JAM3: variants seen among roughly 807,000 people sequenced by gnomAD.
The protein encoded by JAM3 is junctional adhesion molecule C.
JAM3 carries 31 observed loss-of-function variants against 39.4 expected under a neutral mutation model. The ratio of observed to expected loss-of-function variants is 0.79; its 90% confidence interval spans 0.59 to 1.06. The LOEUF is 1.06. JAM3 is among the 50% of genes least tolerant of loss of function. The pLI is 0.00. For missense variants in JAM3, 455 were observed against 391.4 expected (o/e 1.16, Z -1.37); for synonymous variants, 182 against 148.7 (o/e 1.22, Z -1.63).
chr11:134,069,437 C>T (rs1023286215), intron 1 of JAM3, among the ~76,000 whole-genome samples: 6 of 152,046 alleles, frequency 3.9e-5, no homozygotes. Flanking sequence ...GAGTCGGTCC[C>T]GGACAGCCGT....
At chr11:134,082,742 A>G (rs1050651899) in intron 1 of JAM3, among the ~76,000 whole-genome samples, 1 of 152,148 alleles carries the variant, frequency 6.6e-6, no homozygotes, top group Admixed American at 6.5e-5. Flanking sequence ...ACGAAAATGG[A>G]CTAATACAAT....
intron 1 of JAM3, among the ~76,000 whole-genome samples, chr11:134,124,816 G>A (rs1218889251): frequency 2.6e-5 from 4 of 152,240 alleles, no homozygotes; most frequent in Non-Finnish European, 5.9e-5. Flanking sequence ...GCTTGTCAGC[G>A]AAAACGCTGT....
At chr11:134,076,081 T>G (rs529417456) in intron 1 of JAM3, among the ~76,000 whole-genome samples, 85 of 151,994 alleles carry the variant, frequency 5.6e-4, no homozygotes, top group African/African-American at 2.0e-3. Context: ...TAAAATTTTC[T>G]TGGTTCTTTT....
chr11:134,102,477 G>A (rs971723516), intron 1 of JAM3, among the ~76,000 whole-genome samples: 18 of 152,146 alleles, frequency 1.2e-4, no homozygotes, highest in African/African-American at 4.1e-4. Flanking sequence ...CCAAAGGACC[G>A]CAGCTCCTCA....
At chr11:134,071,696 T>G (rs1442365750) in intron 1 of JAM3, among the ~76,000 whole-genome samples, 1 of 152,168 alleles carries the variant, frequency 6.6e-6, no homozygotes, top group African/African-American at 2.4e-5. Context: ...TTCTGGGAAA[T>G]TTTTGAAAAA....
chr11:134,128,201 A>G (rs1051810149), intron 1 of JAM3, among the ~76,000 whole-genome samples: 1 of 152,140 alleles, frequency 6.6e-6, no homozygotes, highest in East Asian at 1.9e-4. Context: ...CGTCTCCTTA[A>G]TGTAGCTGGG....
At chr11:134,141,755 C>T (rs1213988989) in intron 3 of JAM3, among the ~76,000 whole-genome samples, 1 of 151,884 alleles carries the variant, frequency 6.6e-6, no homozygotes, top group African/African-American at 2.4e-5. Context: ...CTTGGCTGTG[C>T]CAAGGGGCAC....
At chr11:134,073,886 T>A (rs977442896) in intron 1 of JAM3, among the ~76,000 whole-genome samples, 3 of 152,174 alleles carry the variant, frequency 2.0e-5, no homozygotes, top group Admixed American at 6.5e-5. Flanking sequence ...GAGGCATTTT[T>A]AAAAAAATGT....
At chr11:134,071,303 C>G (rs1565479515) in intron 1 of JAM3, among the ~76,000 whole-genome samples, 1 of 152,282 alleles carries the variant, frequency 6.6e-6, no homozygotes, top group Non-Finnish European at 1.5e-5. Context: ...GAGATTCAGA[C>G]CCTTGTCGGG....
chr11:134,084,328 A>G (rs1941712336), intron 1 of JAM3, among the ~76,000 whole-genome samples: 1 of 152,350 alleles, frequency 6.6e-6, no homozygotes, highest in Admixed American at 6.5e-5. Flanking sequence ...GAGCATAGCT[A>G]GACCGAGGTT....
intron 8 of JAM3, 49 bp downstream of exon 8, chr11:134,148,867 C>A: frequency 6.3e-7 from 1 of 1,586,288 alleles, no homozygotes; most frequent in Non-Finnish European, 8.6e-7. Flanking sequence ...GCAGGGAAAA[C>A]AACATTCCCC....
rs12797399 is a variant in JAM3, at chr11:134,144,138, G to T, written c.257-103G>T. ...AATAGAAATAAATATTGATCTGCAG[G>T]CTTCCTTGCTGTGGCATCTAGTGCT... On this transcript the variant is annotated intron_variant, in intron 3 of 8. Coordinates refer to ENST00000299106, the MANE Select transcript of JAM3 (RefSeq NM_032801.5). 40,460 of 1,066,760 alleles carry T rather than the reference G, an allele frequency of 0.038. 970 individuals carry two copies. The highest frequency in any genetic ancestry group is 0.049 in the Non-Finnish European group (33,478 of 690,120). 66.1% of individuals were successfully genotyped at this position (1,066,760 alleles called of 1,614,324 possible). A position where few individuals can be genotyped will look rare whatever the true frequency, so the allele number is the denominator to read the frequency against.
In JAM3 at chr11:134,145,014, G is replaced by A. The variant is rs760815878; in HGVS notation, c.612+20G>A. The A allele has an allele frequency of 4.4e-6, 7 of 1,578,770 alleles. No individual in the cohort carries two copies. Among genetic ancestry groups the A allele is most frequent in the South Asian group, 2.2e-5 (2 of 90,312 alleles). ...ACTTTGGTAAGATCTCTTCTAAGAG[G>A]TGAGGATGGAGATGTCTTTGTTGGG... On this transcript the variant is annotated intron_variant, in intron 5 of 8. Coordinates refer to ENST00000299106, the MANE Select transcript of JAM3 (RefSeq NM_032801.5).
chr11:134,080,631 A>C (rs1941650833), intron 1 of JAM3, among the ~76,000 whole-genome samples: 1 of 152,192 alleles, frequency 6.6e-6, no homozygotes, highest in East Asian at 1.9e-4. Context: ...AGGCCTCCCC[A>C]ACCACGTGGA....
chr11:134,133,506 A>G lies in JAM3; in HGVS notation c.77-6345A>G, dbSNP rs191341546. Reference sequence around the variant, plus strand: ...TACTGAGTGTTTTTATCTTGAAAGGATTGTTGCATTAGTTCAGATGCTTTT... The same window carrying G: ...TACTGAGTGTTTTTATCTTGAAAGGGTTGTTGCATTAGTTCAGATGCTTTT... On this transcript the variant is annotated intron_variant, in intron 1 of 8. Transcript: ENST00000299106. Among the ~76,000 whole-genome samples, 29 of 152,166 alleles carry G rather than the reference A, an allele frequency of 1.9e-4. No homozygotes were observed. The East Asian group carries it at 4.4e-3, about 23-fold the overall frequency.
intron 1 of JAM3, among the ~76,000 whole-genome samples, chr11:134,125,492 C>T (rs972426738): frequency 6.6e-6 from 1 of 152,072 alleles, no homozygotes; most frequent in African/African-American, 2.4e-5. Context: ...TGTATTTCTT[C>T]TTATAAGATT....
rs1023855441 is a variant in JAM3, at chr11:134,134,551, A to G, written c.77-5300A>G. ...TTACATCGTACAGTATTTGGATTGT[A>G]TAGTAATTCTGTGTTTAACTTTTCA... On this transcript the variant is annotated intron_variant, in intron 1 of 8. Transcript: ENST00000299106. Among the ~76,000 whole-genome samples the G allele has an allele frequency of 4.7e-4, 72 of 152,320 alleles. 1 individual carries two copies. The highest frequency in any genetic ancestry group is 1.6e-3 in the African/African-American group (67 of 41,586).
chr11:134,106,163 A>G (rs1269164558), intron 1 of JAM3, among the ~76,000 whole-genome samples: 1 of 152,220 alleles, frequency 6.6e-6, no homozygotes, highest in Non-Finnish European at 1.5e-5. Flanking sequence ...AGATCAATGG[A>G]ACAGAACAGA....
chr11:134,111,799 C>T (rs1198438156), intron 1 of JAM3, among the ~76,000 whole-genome samples: 1 of 152,088 alleles, frequency 6.6e-6, no homozygotes, highest in African/African-American at 2.4e-5. Flanking sequence ...TTAGATAATG[C>T]CTCTCAATTA....
Sources: gnomAD v4.1 joint callset for allele counts (sites outside exome capture counted in the v4.1 genomes callset) on GRCh38, gnomAD v4.1.1 for gene constraint, MANE v1.5 for transcripts, NCBI Gene and HGNC (gene_info 2026-07-23, HGNC 2026-07-21) for gene names.